Variants in RERE observed in about 807,000 individuals in gnomAD.
The protein encoded by RERE is arginine-glutamic acid dipeptide repeats protein.
In RERE, 40 loss-of-function variants were observed where a neutral mutation model predicts 146.1. The ratio of observed to expected loss-of-function variants is 0.27; its 90% CI spans 0.21 to 0.36. The LOEUF (loss-of-function observed/expected upper bound fraction) is 0.36. Among genes scored for constraint, RERE ranks in the 10% least tolerant of loss-of-function variants. RERE has a pLI of 1.00. For missense variants in RERE, 1,933 were observed against 2,138.7 expected, an observed-to-expected ratio of 0.90 and a Z score of 1.90; for synonymous variants, 1,003 against 866.0, an observed-to-expected ratio of 1.16 and a Z score of -2.78.
intron 10 of RERE, among the ~76,000 whole-genome samples, chr1:8,489,371 G>C (rs542327439): frequency 6.7e-6 from 1 of 149,782 alleles, no homozygotes; most frequent in African/African-American, 2.4e-5. Flanking sequence ...AAAAGAAAAA[G>C]GAAAAAAAAA....
chr1:8,705,658 T>C (rs1357804686), intron 1 of RERE, among the ~76,000 whole-genome samples: 1 of 152,152 alleles, frequency 6.6e-6, no homozygotes, highest in Non-Finnish European at 1.5e-5. Context: ...TAGAGAAGGT[T>C]CTATATGTTT....
At chr1:8,402,500 T>C (rs565543834) in intron 12 of RERE, among the ~76,000 whole-genome samples, 14 of 152,304 alleles carry the variant, frequency 9.2e-5, no homozygotes, top group African/African-American at 3.4e-4. Context: ...TGGGTTGATA[T>C]GGTATGTCAT....
At chr1:8,531,320 G>A (rs1344870978) in intron 7 of RERE, among the ~76,000 whole-genome samples, 1 of 151,958 alleles carries the variant, frequency 6.6e-6, no homozygotes, top group Non-Finnish European at 1.5e-5. Flanking sequence ...GCATGCACCT[G>A]TAGTCCCAGC....
chr1:8,659,145 T>C (rs1022878403), intron 1 of RERE, among the ~76,000 whole-genome samples: 3 of 152,206 alleles, frequency 2.0e-5, no homozygotes, highest in African/African-American at 7.2e-5. Flanking sequence ...GCTAAACAGA[T>C]AGTCATAAAC....
At chr1:8,473,876 A>G (rs996888770) in intron 10 of RERE, among the ~76,000 whole-genome samples, 1 of 152,220 alleles carries the variant, frequency 6.6e-6, no homozygotes, top group Non-Finnish European at 1.5e-5. Flanking sequence ...GGGGAGTAAT[A>G]TTTTAGATAC....
chr1:8,430,956 T>C (rs936531638), intron 11 of RERE, among the ~76,000 whole-genome samples: 1 of 152,208 alleles, frequency 6.6e-6, no homozygotes, highest in African/African-American at 2.4e-5. Context: ...GTGTATTAAC[T>C]CATGCCATTA....
chr1:8,536,182 G>A (rs1002194299), intron 7 of RERE, among the ~76,000 whole-genome samples: 1 of 151,534 alleles, frequency 6.6e-6, no homozygotes, highest in African/African-American at 2.4e-5. Context: ...CAATTCCCAA[G>A]AAGAAACAAA....
chr1:8,448,198 T>C (rs1644346710), intron 11 of RERE, among the ~76,000 whole-genome samples: 1 of 152,134 alleles, frequency 6.6e-6, no homozygotes, highest in South Asian at 2.1e-4. Context: ...TCGATGACGT[T>C]TCCTATTATC....
chr1:8,650,307 C>A (rs1043776456), intron 2 of RERE, among the ~76,000 whole-genome samples: 10 of 152,180 alleles, frequency 6.6e-5, no homozygotes, highest in Non-Finnish European at 1.5e-4. Context: ...CTACCTTTAT[C>A]CTCAAAGTAT....
chr1:8,568,449 GT>G (rs1334531501), intron 4 of RERE, among the ~76,000 whole-genome samples: 1 of 152,206 alleles, frequency 6.6e-6, no homozygotes, highest in Non-Finnish European at 1.5e-5. Flanking sequence ...CAATGTAACA[GT>G]ATTAACAAGT....
At chr1:8,371,340 G>T (rs1043633997) in intron 12 of RERE, among the ~76,000 whole-genome samples, 1 of 152,148 alleles carries the variant, frequency 6.6e-6, no homozygotes, top group Non-Finnish European at 1.5e-5. Flanking sequence ...TGTCTTTCCA[G>T]GCTATACACT....
chr1:8,372,507 CGTGTGTGTGTGTGT>C (rs6143111), intron 12 of RERE, among the ~76,000 whole-genome samples: 8 of 131,828 alleles, frequency 6.1e-5, no homozygotes, highest in African/African-American at 1.4e-4. Flanking sequence ...ACCATCAGGT[CGTGTGTGTGTGTGT>C]GTGTGTGTGT....
chr1:8,551,706 CA>C (rs1645938017), intron 6 of RERE, among the ~76,000 whole-genome samples: 4 of 152,128 alleles, frequency 2.6e-5, no homozygotes, highest in African/African-American at 9.7e-5. Context: ...CACTCCTTAC[CA>C]TACTGGATGT....
At chr1:8,781,300 G>A (rs1641160113) in intron 1 of RERE, among the ~76,000 whole-genome samples, 1 of 151,380 alleles carries the variant, frequency 6.6e-6, no homozygotes, top group Non-Finnish European at 1.5e-5. Context: ...AGGTTGCAGT[G>A]AGCCAAGATC....
At chr1:8,639,900 T>C (rs1647154114) in intron 2 of RERE, among the ~76,000 whole-genome samples, 1 of 152,152 alleles carries the variant, frequency 6.6e-6, no homozygotes, top group Non-Finnish European at 1.5e-5. Flanking sequence ...AAAAACTAAA[T>C]ACTGTCTAAT....
At chr1:8,414,705 C>T (rs907331177) in intron 12 of RERE, among the ~76,000 whole-genome samples, 10 of 151,880 alleles carry the variant, frequency 6.6e-5, no homozygotes, top group Non-Finnish European at 1.5e-4. Context: ...AAACATGGGC[C>T]ATTAATACTG....
chr1:8,418,980 C>G (rs1643851520), intron 12 of RERE, among the ~76,000 whole-genome samples: 1 of 152,124 alleles, frequency 6.6e-6, no homozygotes, highest in African/African-American at 2.4e-5. Flanking sequence ...ACACTTAAGA[C>G]TCTGATGTGG....
At chr1:8,390,085 G>A (rs1242134577) in intron 12 of RERE, among the ~76,000 whole-genome samples, 1 of 152,182 alleles carries the variant, frequency 6.6e-6, no homozygotes, top group Non-Finnish European at 1.5e-5. Context: ...CCAGAAAAAG[G>A]AAAACCAATA....
intron 12 of RERE, among the ~76,000 whole-genome samples, chr1:8,385,068 C>T (rs1009952666): frequency 1.3e-5 from 2 of 152,194 alleles, no homozygotes; most frequent in African/African-American, 4.8e-5. Context: ...CATCTTCCTT[C>T]CTTGGAATTC....
Sources: gnomAD v4.1 joint callset for allele counts (sites outside exome capture counted in the v4.1 genomes callset) on GRCh38, gnomAD v4.1.1 for gene constraint, MANE v1.5 for transcripts, NCBI Gene and HGNC (gene_info 2026-07-23, HGNC 2026-07-21) for gene names.